Variants in SIPA1L1 observed in about 807,000 individuals in gnomAD.
SIPA1L1 encodes signal-induced proliferation-associated 1-like protein 1.
Under a neutral mutation model 162.7 loss-of-function variants are expected in SIPA1L1, and 26 were observed. The observed-to-expected ratio is 0.16, with a 90% CI of 0.12 to 0.22. The LOEUF (loss-of-function observed/expected upper bound fraction) is 0.22, where lower values mean the gene tolerates loss of function less well. Among genes scored for constraint, SIPA1L1 ranks in the 10% least tolerant of loss-of-function variants. The pLI is 1.00. For synonymous variants in SIPA1L1, 829 were observed against 837.4 expected (o/e 0.99, Z 0.17); for missense variants, 1,874 against 2,241.0 (o/e 0.84, Z 3.31).
intron 4 of SIPA1L1, among the ~76,000 whole-genome samples, chr14:71,544,343 G>A (rs999455475): frequency 4.0e-5 from 6 of 151,546 alleles, no homozygotes; most frequent in Admixed American, 6.6e-5. Context: ...TCATGTGTGT[G>A]TATATACATG....
At chr14:71,685,693 C>T in intron 13 of SIPA1L1, 62 bp downstream of exon 13, 2 of 1,574,218 alleles carry the variant, frequency 1.3e-6, no homozygotes, top group South Asian at 1.2e-5. Flanking sequence ...TAACACAGAC[C>T]CATAAGCACT....
At chr14:71,325,640 T>G (rs2033703701) in intron 2 of SIPA1L1, among the ~76,000 whole-genome samples, 1 of 152,212 alleles carries the variant, frequency 6.6e-6, no homozygotes, top group African/African-American at 2.4e-5. Context: ...CATAGAGAGA[T>G]GACACCAAAA....
intron 4 of SIPA1L1, among the ~76,000 whole-genome samples, chr14:71,547,250 A>G (rs974349526): frequency 4.2e-5 from 6 of 143,422 alleles, no homozygotes; most frequent in African/African-American, 1.6e-4. Flanking sequence ...ATATTTCATT[A>G]TTGGATAGAT....
At chr14:71,698,720 G>A (rs530559483) in intron 13 of SIPA1L1, among the ~76,000 whole-genome samples, 41 of 152,246 alleles carry the variant, frequency 2.7e-4, no homozygotes, top group Non-Finnish European at 1.8e-4. Flanking sequence ...GCAGCTTTTG[G>A]AAGCATACAT....
chr14:71,672,288 A>G, intron 11 of SIPA1L1, 60 bp from the exon 12 acceptor site: 1 of 1,549,308 alleles, frequency 6.5e-7, no homozygotes, highest in Non-Finnish European at 8.8e-7. Context: ...TTCCAGTTCC[A>G]TGTCCACCAC....
rs146682104 is a variant in SIPA1L1 at position 71,362,772 on chromosome 14, A to G, written c.-465+41591A>G. The stretch of plus-strand genomic sequence containing the variant: ...TAGTCTAATTTCCAAGATTTTTATG[A>G]AAAGTAGAATCAAAGGACTATACTT... On this transcript the variant is annotated intron_variant, in intron 2 of 23. Transcript: ENST00000381232. Among the ~76,000 whole-genome samples the G allele has an allele frequency of 3.7e-3, 561 of 152,346 alleles. 2 individuals are homozygous for G. Among genetic ancestry groups the G allele is most frequent in the African/African-American group, 0.013 (531 of 41,586 alleles).
intron 9 of SIPA1L1, 110 bp from the exon 10 acceptor site, chr14:71,661,200 A>G (rs1279186368): frequency 2.7e-6 from 3 of 1,103,926 alleles, no homozygotes; most frequent in Non-Finnish European, 3.9e-6. Context: ...ACCTACCTTC[A>G]TGTGTACTGA....
chr14:71,512,245 A>G (rs1053085342), intron 2 of SIPA1L1, among the ~76,000 whole-genome samples: 3 of 152,188 alleles, frequency 2.0e-5, no homozygotes, highest in Non-Finnish European at 4.4e-5. Flanking sequence ...GGGTCTGGGA[A>G]GTCACTCTCT....
At chr14:71,507,839 G>C (rs1378017628) in intron 2 of SIPA1L1, among the ~76,000 whole-genome samples, 2 of 152,146 alleles carry the variant, frequency 1.3e-5, no homozygotes, top group Non-Finnish European at 2.9e-5. Flanking sequence ...ACCAGCCAGA[G>C]GTCTGTGTTT....
chr14:71,360,921 G>T (rs1249512849), intron 2 of SIPA1L1, among the ~76,000 whole-genome samples: 2 of 152,022 alleles, frequency 1.3e-5, no homozygotes, highest in African/African-American at 4.8e-5. Flanking sequence ...TCTTCGTAAG[G>T]GTAGTAAGAC....
chr14:71,339,366 CTTT>C (rs56755864), intron 2 of SIPA1L1, among the ~76,000 whole-genome samples: 7 of 142,084 alleles, frequency 4.9e-5, no homozygotes, highest in Middle Eastern at 3.5e-3. Context: ...TTCTTTCTTT[CTTT>C]TTTTTTTTTT....
intron 9 of SIPA1L1, among the ~76,000 whole-genome samples, chr14:71,660,431 C>G (rs139763198): frequency 1.4e-3 from 210 of 152,184 alleles, no homozygotes; most frequent in Non-Finnish European, 2.5e-3. Flanking sequence ...ATTTCTCCCA[C>G]CTGGCAGCCA....
intron 2 of SIPA1L1, among the ~76,000 whole-genome samples, chr14:71,383,845 C>G (rs1380299489): frequency 6.6e-6 from 1 of 152,218 alleles, no homozygotes; most frequent in Non-Finnish European, 1.5e-5. Context: ...CCACCTTCCA[C>G]ACTGGGGAAC....
In SIPA1L1 at chr14:71,571,113, G is replaced by A. The variant is rs139438322; in HGVS notation, c.-302-16458G>A. On this transcript the variant is annotated intron_variant, in intron 4 of 23. Coordinates refer to ENST00000381232, the MANE Select transcript of SIPA1L1 (RefSeq NM_001386936.1). ...CCTGGCCAGAATGATTTTTTTAAAC[G>A]GAAGAAACAGAGAACACAAAATTTC... Among the ~76,000 whole-genome samples, 592 of 152,172 alleles carry A rather than the reference G, an allele frequency of 3.9e-3. 3 individuals carry two copies. The highest frequency in any genetic ancestry group is 0.011 in the South Asian group (54 of 4,830).
intron 5 of SIPA1L1, among the ~76,000 whole-genome samples, chr14:71,603,169 A>T (rs2036996109): frequency 6.6e-6 from 1 of 151,978 alleles, no homozygotes; most frequent in African/African-American, 2.4e-5. Flanking sequence ...ATTCCTGCTC[A>T]CTTTTGGTTT....
intron 7 of SIPA1L1, 83 bp from the exon 8 acceptor site, chr14:71,650,252 T>G: frequency 7.4e-7 from 1 of 1,358,162 alleles, no homozygotes; most frequent in East Asian, 2.3e-5. Flanking sequence ...TCTGGGCATG[T>G]GCCCTATAGG....
At chr14:71,513,967 C>T (rs182873419) in intron 3 of SIPA1L1, among the ~76,000 whole-genome samples, 94 of 152,208 alleles carry the variant, frequency 6.2e-4, no homozygotes, top group African/African-American at 8.7e-4. Context: ...CTTTCATTAC[C>T]GGCGGCGAAT....
intron 2 of SIPA1L1, among the ~76,000 whole-genome samples, chr14:71,409,171 G>C (rs1275892903): frequency 6.6e-6 from 1 of 152,132 alleles, no homozygotes; most frequent in Non-Finnish European, 1.5e-5. Context: ...TTTGGGCTCT[G>C]TAAAAATGGT....
intron 7 of SIPA1L1, among the ~76,000 whole-genome samples, chr14:71,629,178 C>T (rs939026348): frequency 6.6e-6 from 1 of 152,114 alleles, no homozygotes; most frequent in African/African-American, 2.4e-5. Flanking sequence ...ACCTCGTGGT[C>T]CGCCTGCCTC....
Sources: gnomAD v4.1 joint callset for allele counts (sites outside exome capture counted in the v4.1 genomes callset) on GRCh38, gnomAD v4.1.1 for gene constraint, MANE v1.5 for transcripts, NCBI Gene and HGNC (gene_info 2026-07-23, HGNC 2026-07-21) for gene names.